AASS: variants seen among roughly 807,000 people sequenced by gnomAD.
AASS encodes the protein alpha-aminoadipic semialdehyde synthase, mitochondrial.
In AASS, 86 loss-of-function variants were observed where a neutral mutation model predicts 105.4. The ratio of observed to expected loss-of-function variants is 0.82; its 90% CI spans 0.69 to 0.98. The LOEUF (loss-of-function observed/expected upper bound fraction) is 0.98, where lower values mean the gene tolerates loss of function less well. Ranked by LOEUF, AASS falls within the 50% of genes least tolerant of loss-of-function variation. The probability of loss-of-function intolerance (pLI) is 0.00; values close to 1 mark genes in which losing one functional copy is unlikely to be tolerated. For synonymous variants in AASS, 381 were observed against 394.8 expected, an observed-to-expected ratio of 0.96 and a Z score of 0.41; for missense variants, 1,048 against 1,143.2, an observed-to-expected ratio of 0.92 and a Z score of 1.20.
Position 122,098,537 on chromosome 7 carries a change from T to C in AASS, c.1568A>G (p.Lys523Arg). 6.2e-7 allele frequency: 1 copy of C among 1,611,192 alleles called. No individual in the cohort carries two copies. Among genetic ancestry groups the C allele is most frequent in the Non-Finnish European group, 8.5e-7 (1 of 1,178,096 alleles). Residue 523 changes from lysine to arginine, a missense_variant, in exon 15 of 24, where the codon AAA (lysine) becomes AGA (arginine). Physicochemically the swap from Lys to Arg is conservative, Grantham distance 26. Transcript: ENST00000417368. ...CATGCTAACAGGATTAATATTATATTTCTTGCCTAACTGTTCAATTTGATT... is the reference window on the plus strand; with the variant it reads ...CATGCTAACAGGATTAATATTATATCTCTTGCCTAACTGTTCAATTTGATT... ...MKNQIEQLGK[K>R]YNINPVSMDI...
chr7:122,083,904 C>T (rs1056274755), intron 19 of AASS, among the ~76,000 whole-genome samples: 1 of 152,120 alleles, frequency 6.6e-6, no homozygotes, highest in African/African-American at 2.4e-5. Flanking sequence ...TGGCATTGCC[C>T]AGGATGGTGG....
intron 18 of AASS, 134 bp downstream of exon 18, chr7:122,091,569 G>A (rs774928938): frequency 7.2e-5 from 99 of 1,372,720 alleles, no homozygotes; most frequent in Non-Finnish European, 1.0e-4. Context: ...ATATACACTG[G>A]GAAACAACAC....
chr7:122,074,416 A>G lies in AASS; in HGVS notation c.*2073T>C, dbSNP rs754674812. Reference sequence around the variant, plus strand: ...CTAATACATGATTTTAAAAAAAATTATCTCATTCTGTGGGTTGTATTTTTG... The same window carrying G: ...CTAATACATGATTTTAAAAAAAATTGTCTCATTCTGTGGGTTGTATTTTTG... On this transcript the variant is annotated 3_prime_UTR_variant, in exon 24 of 24. Coordinates refer to ENST00000417368, the MANE Select transcript of AASS (RefSeq NM_005763.4). 1.3e-5 allele frequency among the ~76,000 whole-genome samples: 2 copies of G among 152,194 alleles called. No homozygotes were observed. Among genetic ancestry groups the G allele is most frequent in the Non-Finnish European group, 2.9e-5 (2 of 68,022 alleles).
At chr7:122,093,867 A>C (rs1478743532) in intron 15 of AASS, among the ~76,000 whole-genome samples, 2 of 152,104 alleles carry the variant, frequency 1.3e-5, no homozygotes, top group Non-Finnish European at 2.9e-5. Context: ...AATTGGATTA[A>C]AAAATGTAGT....
chr7:122,130,042 G>A (rs1795841456), intron 2 of AASS, among the ~76,000 whole-genome samples: 1 of 152,008 alleles, frequency 6.6e-6, no homozygotes, highest in Non-Finnish European at 1.5e-5. Context: ...AAGATCCCTT[G>A]TATAAAGGAG....
intron 18 of AASS, among the ~76,000 whole-genome samples, chr7:122,091,456 G>A (rs1793895368): frequency 6.6e-6 from 1 of 152,068 alleles, no homozygotes; most frequent in South Asian, 2.1e-4. Context: ...ATAGAGAAGT[G>A]AATTTTTGAA....
chr7:122,089,673 TG>T (rs1208945695), intron 18 of AASS, among the ~76,000 whole-genome samples: 1 of 152,144 alleles, frequency 6.6e-6, no homozygotes, highest in Non-Finnish European at 1.5e-5. Context: ...CTAAGAACAC[TG>T]GAAGGCTGGC....
intron 2 of AASS, among the ~76,000 whole-genome samples, chr7:122,131,033 C>T (rs1031179133): frequency 5.6e-5 from 5 of 88,518 alleles, no homozygotes; most frequent in Non-Finnish European, 1.2e-4. Flanking sequence ...TTTATTTTTG[C>T]AAAAAAAAAA....
rs377317222 is a variant in AASS, at chr7:122,091,730, C to A, written c.1989G>T (p.Gln663His). 2.6e-4 allele frequency: 420 copies of A among 1,613,352 alleles called. No homozygotes were observed. Among genetic ancestry groups the A allele is most frequent in the Non-Finnish European group, 3.5e-4 (412 of 1,179,634 alleles). The change falls in exon 18 of 24, where the codon CAG becomes CAT. Residue 663 changes from glutamine to histidine, a missense_variant. By Grantham distance (24) the Gln-to-His change is conservative. Transcript: ENST00000417368. ...TTCCATCGAGCAGATAGGTGGCAGA[C>A]TGCATTACATTCATCAAAACTCCCA... ...SPVGVLMNVM[Q>H]SATYLLDGKV...
chr7:122,097,141 T>C (rs1007517454), intron 15 of AASS, among the ~76,000 whole-genome samples: 1 of 151,704 alleles, frequency 6.6e-6, no homozygotes, highest in African/African-American at 2.4e-5. Flanking sequence ...AATGCCAGCC[T>C]ACAGAACTAC....
chr7:122,086,436 T>C (rs1584817069), intron 18 of AASS, among the ~76,000 whole-genome samples: 1 of 151,968 alleles, frequency 6.6e-6, no homozygotes, highest in East Asian at 1.9e-4. Flanking sequence ...TCAATTTTTT[T>C]CCTTCCCCTG....
chr7:122,084,016 T>A (rs1019717559), intron 19 of AASS, among the ~76,000 whole-genome samples: 1 of 152,108 alleles, frequency 6.6e-6, no homozygotes, highest in Non-Finnish European at 1.5e-5. Flanking sequence ...AATGTTTAAA[T>A]CTATTAAAAT....
chr7:122,108,889 G>A (rs994921395), intron 11 of AASS, among the ~76,000 whole-genome samples: 19 of 152,028 alleles, frequency 1.2e-4, no homozygotes, highest in African/African-American at 3.1e-4. Flanking sequence ...TGAAGATGAC[G>A]AAATCTTATA....
intron 1 of AASS, among the ~76,000 whole-genome samples, chr7:122,138,127 T>G (rs1796237760): frequency 6.6e-6 from 1 of 152,180 alleles, no homozygotes; most frequent in Admixed American, 6.5e-5. Flanking sequence ...ACTTAAAAGA[T>G]TTCTTCTCTG....
At chr7:122,123,519 G>A (rs548174482) in intron 4 of AASS, among the ~76,000 whole-genome samples, 1 of 152,198 alleles carries the variant, frequency 6.6e-6, no homozygotes, top group Non-Finnish European at 1.5e-5. Flanking sequence ...CACAGATGGA[G>A]GGCACATGGT....
chr7:122,121,045 G>A (rs900006127), intron 4 of AASS, among the ~76,000 whole-genome samples: 2 of 151,646 alleles, frequency 1.3e-5, no homozygotes, highest in Admixed American at 6.6e-5. Flanking sequence ...TGCTGTTTGT[G>A]TTCTTATTTC....
intron 12 of AASS, 44 bp downstream of exon 12, chr7:122,101,577 G>T (rs759713163): frequency 6.4e-7 from 1 of 1,551,118 alleles, no homozygotes; most frequent in South Asian, 1.1e-5. Context: ...AAAAATGGTA[G>T]TAAAAAAATA....
chr7:122,093,287 C>T, intron 15 of AASS, 129 bp from the exon 16 acceptor site: 4 of 747,138 alleles, frequency 5.4e-6, no homozygotes, highest in Admixed American at 4.0e-5. Context: ...AAAGGGAACA[C>T]TTATACACTG....
chr7:122,115,274 C>T, intron 8 of AASS, 52 bp from the exon 9 acceptor site: 1 of 1,592,128 alleles, frequency 6.3e-7, no homozygotes. Flanking sequence ...TATTTTAATA[C>T]AGTATACTGA....
Sources: allele counts gnomAD v4.1 joint callset (sites outside exome capture counted in the v4.1 genomes callset), GRCh38; gene constraint gnomAD v4.1.1; transcripts MANE v1.5; gene names NCBI Gene and HGNC (gene_info 2026-07-23, HGNC 2026-07-21).